Variants in KIFC3 observed in about 807,000 individuals in gnomAD.
KIFC3 encodes the protein kinesin-like protein KIFC3.
A neutral mutation model predicts 101.8 loss-of-function variants in KIFC3; 60 were observed. The ratio of observed to expected loss-of-function variants is 0.59; its 90% CI spans 0.48 to 0.73. KIFC3 has a LOEUF of 0.73. KIFC3 is among the 30% of genes least tolerant of loss of function. The pLI is 0.00. For missense variants in KIFC3, 966 were observed against 1,137.1 expected (o/e 0.85, Z 2.16); for synonymous variants, 476 against 482.7 (o/e 0.99, Z 0.18).
chr16:57,774,557 C>G (rs2051770278), intron 3 of KIFC3, among the ~76,000 whole-genome samples: 1 of 151,728 alleles, frequency 6.6e-6, no homozygotes, highest in Non-Finnish European at 1.5e-5. Context: ...GGGTCTCACT[C>G]TGTCACCCAG....
intron 3 of KIFC3, among the ~76,000 whole-genome samples, chr16:57,780,994 T>C (rs2052669035): frequency 6.6e-6 from 1 of 151,810 alleles, no homozygotes. Context: ...TTTTTTAAGG[T>C]TCACTCTTGA....
intron 1 of KIFC3, among the ~76,000 whole-genome samples, chr16:57,862,186 C>T (rs1439148947): frequency 1.6e-5 from 2 of 127,828 alleles, no homozygotes; most frequent in Non-Finnish European, 1.6e-5. Context: ...CTTACCACTA[C>T]ATCTGGCTTT....
intron 1 of KIFC3, among the ~76,000 whole-genome samples, chr16:57,830,227 T>A (rs532878339): frequency 1.4e-5 from 2 of 147,842 alleles, no homozygotes; most frequent in African/African-American, 5.1e-5. Context: ...TTTCCTTTCT[T>A]TTTTCTTTCT....
At chr16:57,785,460 G>A (rs1555617076) in intron 3 of KIFC3, 3 of 1,283,846 alleles carry the variant, frequency 2.3e-6, no homozygotes, top group South Asian at 2.5e-5. Context: ...GCCTCCCCAG[G>A]TACCTGGTTC....
chr16:57,775,975 C>T (rs567655425), intron 3 of KIFC3: 232 of 985,496 alleles, frequency 2.4e-4, no homozygotes, highest in Middle Eastern at 1.0e-3. Flanking sequence ...GGCCTGTCTG[C>T]CGGCTTGACA....
chr16:57,819,112 C>T (rs1325352518), intron 1 of KIFC3, among the ~76,000 whole-genome samples: 8 of 152,138 alleles, frequency 5.3e-5, no homozygotes, highest in African/African-American at 1.9e-4. Flanking sequence ...GTCAGCCCCA[C>T]CCCAGACGTA....
intron 3 of KIFC3, among the ~76,000 whole-genome samples, chr16:57,773,413 C>A (rs886969793): frequency 6.6e-6 from 1 of 152,186 alleles, no homozygotes; most frequent in South Asian, 2.1e-4. Context: ...AGAACGCACA[C>A]CCAGCATCGC....
intron 3 of KIFC3, chr16:57,774,187 CTGA>C (rs1342178369): frequency 1.3e-5 from 2 of 152,086 alleles, no homozygotes; most frequent in Non-Finnish European, 2.9e-5. Context: ...CGCTCAGTGC[CTGA>C]TGAGAGGACG....
intron 11 of KIFC3, 136 bp downstream of exon 11, chr16:57,765,323 A>AG (rs2050362907): frequency 3.9e-5 from 33 of 841,992 alleles, no homozygotes; most frequent in Non-Finnish European, 5.6e-5. Context: ...AGGAAGGAGC[A>AG]GGACCCTGGC....
At position 57,823,805 on chromosome 16, in the gene KIFC3, T is replaced by TG. The variant is rs1568088586; in HGVS notation, c.109-25524_109-25523insC. On this transcript the variant is annotated intron_variant, in intron 1 of 2. Transcript: ENST00000563028. Reference sequence around the variant, plus strand: ...TGTGTGTGTGTGTGTGTGTGTGTGTTTTTAGTAGAGATGGTGTTTCACCAC... The same window carrying TG: ...TGTGTGTGTGTGTGTGTGTGTGTGTTGTTTAGTAGAGATGGTGTTTCACCAC... 2.3e-4 allele frequency among the ~76,000 whole-genome samples: 15 copies of TG among 64,608 alleles called. No homozygotes were observed. The South Asian group carries it at 2.7e-3, about 12-fold the overall frequency. The allele number at this position is 64,608 out of a possible 152,430, so 42.4% of individuals were successfully genotyped here. A position where few individuals can be genotyped will look rare whatever the true frequency, so the allele number is the denominator to read the frequency against.
At chr16:57,848,489 G>A (rs996104496) in intron 1 of KIFC3, among the ~76,000 whole-genome samples, 7 of 152,150 alleles carry the variant, frequency 4.6e-5, no homozygotes, top group Admixed American at 6.6e-5. Flanking sequence ...TTAGCTGGGC[G>A]TTGTGGTGCA....
intron 10 of KIFC3, among the ~76,000 whole-genome samples, chr16:57,766,015 G>A (rs1209723077): frequency 3.3e-5 from 5 of 152,224 alleles, no homozygotes; most frequent in Non-Finnish European, 5.9e-5. Context: ...AATGAGCAAA[G>A]AGCCTTGTCC....
chr16:57,860,381 A>T lies in KIFC3; in HGVS notation c.108+2348T>A, dbSNP rs575675413. Among the ~76,000 whole-genome samples the T allele has an allele frequency of 2.8e-4, 42 of 152,292 alleles. 1 individual carries two copies. Among genetic ancestry groups the T allele is most frequent in the African/African-American group, 9.9e-4 (41 of 41,570 alleles). ...GGCAGGAGAATCACTTGAACTTGGG[A>T]AGAGGAGGTTGCAGTGAGCCAAAGA... On this transcript the variant is annotated intron_variant, in intron 1 of 2. Transcript: ENST00000563028.
Position 57,764,265 on chromosome 16 carries a change from GGGAGGCT to G in KIFC3, c.1513-25_1513-19del. ...TGGAACACCTGGGAGGGTGGTGGGA[GGGAGGCT>G]GGTGGGGGGGCTTCCAGGGCCGCTG... On this transcript the variant is annotated intron_variant, in intron 11 of 19. Transcript: ENST00000445690. 6.8e-7 allele frequency: 1 copy of G among 1,474,832 alleles called. No individual in the cohort carries two copies. The highest frequency in any genetic ancestry group is 1.4e-5 in the African/African-American group (1 of 72,022). The allele number at this position is 1,474,832 out of a possible 1,614,324, so 91.4% of individuals were successfully genotyped here. A position where few individuals can be genotyped will look rare whatever the true frequency, so the allele number is the denominator to read the frequency against.
chr16:57,836,231 C>G (rs1212455294), intron 1 of KIFC3, among the ~76,000 whole-genome samples: 1 of 152,200 alleles, frequency 6.6e-6, no homozygotes, highest in Admixed American at 6.5e-5. Flanking sequence ...CCTTCCACCT[C>G]AGGCTCCCAA....
intron 10 of KIFC3, chr16:57,765,860 G>A (rs1597910122): frequency 6.2e-6 from 3 of 483,794 alleles, no homozygotes; most frequent in Admixed American, 3.7e-5. Flanking sequence ...GTTGACTGGG[G>A]TGGAGCTCTG....
At chr16:57,837,569 G>GAAAGAAAGAAAGAAAGAAAGAA (rs1166647597) in intron 1 of KIFC3, among the ~76,000 whole-genome samples, 1 of 151,586 alleles carries the variant, frequency 6.6e-6, no homozygotes, top group Non-Finnish European at 1.5e-5. Flanking sequence ...AAGAAAGAAA[G>GAAAGAAAGAAAGAAAGAAAGAA]AAAGAAAGAA....
chr16:57,829,356 C>G (rs1269460158), intron 1 of KIFC3, among the ~76,000 whole-genome samples: 2 of 152,114 alleles, frequency 1.3e-5, no homozygotes, highest in African/African-American at 4.8e-5. Context: ...TGGGCTCAAG[C>G]AATCCTCCCA....
At position 57,759,122 on chromosome 16, in the gene KIFC3, C is replaced by A. The variant is rs2049491093; in HGVS notation, c.*24+3G>T. On this transcript the variant is annotated splice_donor_region_variant and intron_variant, in intron 19 of 19. Transcript: ENST00000445690. ...AGCCCTGGGCCACAGGCCCCACACTCACCTAGAGACTCTGCAGCCCCAGCC... is the reference window on the plus strand; with the variant it reads ...AGCCCTGGGCCACAGGCCCCACACTAACCTAGAGACTCTGCAGCCCCAGCC... 6.4e-7 allele frequency: 1 copy of A among 1,550,724 alleles called. No individual in the cohort carries two copies. Among genetic ancestry groups the A allele is most frequent in the East Asian group, 2.4e-5 (1 of 40,920 alleles).
Sources: allele counts gnomAD v4.1 joint callset (sites outside exome capture counted in the v4.1 genomes callset), GRCh38; gene constraint gnomAD v4.1.1; transcripts MANE v1.5; gene names NCBI Gene and HGNC (gene_info 2026-07-23, HGNC 2026-07-21).